The following MCFD2 variants were observed in gnomAD, a reference collection of about 807,000 sequenced individuals.
The protein encoded by MCFD2 is multiple coagulation factor deficiency 2, ER cargo receptor complex subunit.
Under a neutral mutation model 12.8 loss-of-function variants are expected in MCFD2, and 11 were observed. The observed-to-expected ratio is 0.86, with a 90% CI of 0.54 to 1.42. The LOEUF is 1.42. Ranked by LOEUF, MCFD2 falls within the 40% of genes most tolerant of loss-of-function variation. The probability of loss-of-function intolerance (pLI) is 0.00; values close to 1 mark genes in which losing one functional copy is unlikely to be tolerated. For missense variants in MCFD2, 191 were observed against 178.6 expected (o/e 1.07, Z -0.40); for synonymous variants, 70 against 68.1 (o/e 1.03, Z -0.14).
chr2:46,917,634 T>C (rs955738190), upstream of MCFD2, among the ~76,000 whole-genome samples: 1 of 152,246 alleles, frequency 6.6e-6, no homozygotes, highest in African/African-American at 2.4e-5. Flanking sequence ...TCCTGTGTTA[T>C]GTCTCTCTTG....
Position 46,908,043 on chromosome 2 carries a change from A to G in MCFD2, c.150-74T>C. The stretch of plus-strand genomic sequence containing the variant: ...TGCTGAAATCTTAAGGACTCTGAAA[A>G]GTTCAAGATCTTAAACTTCCTCCAG... On this transcript the variant is annotated intron_variant, in intron 2 of 3. Transcript: ENST00000319466. The surrounding 1 kb of genome is among the most constrained non-coding windows in gnomAD (Gnocchi z 4.5). 1.3e-6 allele frequency: 2 copies of G among 1,558,264 alleles called. No individual in the cohort carries two copies. Among genetic ancestry groups the G allele is most frequent in the East Asian group, 4.5e-5 (2 of 44,574 alleles).
At chr2:46,938,699 G>A (rs1416026097) in intron 1 of MCFD2, among the ~76,000 whole-genome samples, 1 of 152,164 alleles carries the variant, frequency 6.6e-6, no homozygotes, top group Non-Finnish European at 1.5e-5. Flanking sequence ...CTGTGTGGTG[G>A]GTGGTTCATA....
intron 1 of MCFD2, among the ~76,000 whole-genome samples, chr2:46,935,518 C>A (rs1380714901): frequency 6.6e-6 from 1 of 152,178 alleles, no homozygotes; most frequent in African/African-American, 2.4e-5. Context: ...AGTGTTCTCC[C>A]TTCCTGCCAT....
At position 46,905,489 on chromosome 2, in the gene MCFD2, C is replaced by T. The variant is rs148748272; in HGVS notation, c.415G>A (p.Ala139Thr). The T allele has an allele frequency of 2.4e-5, 39 of 1,612,764 alleles. No homozygotes were observed. Among genetic ancestry groups the T allele is most frequent in the Non-Finnish European group, 3.1e-5 (37 of 1,179,954 alleles). The change falls in exon 4 of 4, where the codon GCT becomes ACT. Residue 139 changes from alanine (A) to threonine (T), a missense_variant. Coordinates refer to ENST00000319466, the MANE Select transcript of MCFD2 (RefSeq NM_139279.6). ...DKNNDGYIDY[A>T]EFAKSLQ ...TACTGCAGTGATTTTGCAAATTCAGCATAGTCAATGTATCCATCATTGTTC... is the reference window on the plus strand; with the variant it reads ...TACTGCAGTGATTTTGCAAATTCAGTATAGTCAATGTATCCATCATTGTTC...
intron 1 of MCFD2, among the ~76,000 whole-genome samples, chr2:46,927,316 C>T (rs1469186077): frequency 1.3e-5 from 2 of 150,334 alleles, no homozygotes; most frequent in Non-Finnish European, 3.0e-5. Flanking sequence ...CTGTAGAAAA[C>T]CAAAGAAAAA....
In MCFD2 at chr2:46,903,348, A is replaced by G. The variant is rs540335710; in HGVS notation, c.*2115T>C. ...TTTATCAGCAGCGTGAAAACGGACT[A>G]ATACAGTAAATTGGTACCAGTAGAT... On this transcript the variant is annotated 3_prime_UTR_variant, in exon 4 of 4. Coordinates refer to ENST00000319466, the MANE Select transcript of MCFD2 (RefSeq NM_139279.6). The G allele has an allele frequency of 1.3e-5, 2 of 154,662 alleles. No homozygotes were observed. Among genetic ancestry groups the G allele is most frequent in the African/African-American group, 4.8e-5 (2 of 41,482 alleles). 9.6% of individuals were successfully genotyped at this position (154,662 alleles called of 1,614,324 possible).
Position 46,903,244 on chromosome 2 carries a change from C to T in MCFD2, c.*2219G>A, listed in dbSNP as rs1304606178. The T allele has an allele frequency of 6.4e-6, 1 of 156,136 alleles. No individual in the cohort carries two copies. Among genetic ancestry groups the T allele is most frequent in the Non-Finnish European group, 1.4e-5 (1 of 71,128 alleles). The allele number at this position is 156,136 out of a possible 1,614,324, so 9.7% of individuals were successfully genotyped here. ...GTAAGAAGTGTCTTTTGCCTCCCACCATGATTCTGAGGCCTCCCCAGCCAT... is the reference window on the plus strand; with the variant it reads ...GTAAGAAGTGTCTTTTGCCTCCCACTATGATTCTGAGGCCTCCCCAGCCAT... On this transcript the variant is annotated 3_prime_UTR_variant, in exon 4 of 4. Transcript: ENST00000319466.
chr2:46,935,769 G>A (rs372225221), intron 1 of MCFD2, among the ~76,000 whole-genome samples: 2 of 152,106 alleles, frequency 1.3e-5, no homozygotes, highest in Non-Finnish European at 1.5e-5. Context: ...TGCAAGTCTT[G>A]TATTGGACCC....
At chr2:46,914,078 C>T (rs1668593827) in intron 1 of MCFD2, 1 of 152,270 alleles carries the variant, frequency 6.6e-6, no homozygotes, top group Admixed American at 6.5e-5. Context: ...CCTTACTGAT[C>T]TCTGCTGAGC....
upstream of MCFD2, among the ~76,000 whole-genome samples, chr2:46,918,094 T>C (rs1311312933): frequency 6.6e-6 from 1 of 152,230 alleles, no homozygotes; most frequent in Non-Finnish European, 1.5e-5. Flanking sequence ...CTCCTGTAAA[T>C]AACTGCCTAC....
At chr2:46,913,330 T>C (rs1558465124) in intron 1 of MCFD2, among the ~76,000 whole-genome samples, 1 of 152,114 alleles carries the variant, frequency 6.6e-6, no homozygotes, top group African/African-American at 2.4e-5. Context: ...AGTGAATCAC[T>C]TGAGCCCAGG....
intron 1 of MCFD2, among the ~76,000 whole-genome samples, chr2:46,920,859 C>T (rs912723638): frequency 2.0e-5 from 3 of 151,006 alleles, no homozygotes; most frequent in African/African-American, 7.3e-5. Context: ...TGGCTGTCTA[C>T]AAAACTTCAG....
At chr2:46,912,713 A>G (rs1381147919) in intron 1 of MCFD2, 1 of 152,202 alleles carries the variant, frequency 6.6e-6, no homozygotes, top group Non-Finnish European at 1.5e-5. Flanking sequence ...TGAATTCTTG[A>G]AAAACTGCCT....
Position 46,903,678 on chromosome 2 carries a change from CTT to C in MCFD2, c.*1783_*1784del, listed in dbSNP as rs1483926407. ...GCCCCTTCCATAGGGATTTGTGGAA[CTT>C]TGAACTTGAGAGAGATGATTTAGGT... On this transcript the variant is annotated 3_prime_UTR_variant, in exon 4 of 4. Transcript: ENST00000319466. 6.6e-6 allele frequency: 1 copy of C among 152,150 alleles called. No homozygotes were observed. The highest frequency in any genetic ancestry group is 1.5e-5 in the Non-Finnish European group (1 of 68,062). The allele number at this position is 152,150 out of a possible 1,614,324, so 9.4% of individuals were successfully genotyped here.
intron 1 of MCFD2, among the ~76,000 whole-genome samples, chr2:46,925,840 C>G (rs1424568345): frequency 6.6e-6 from 1 of 152,200 alleles, no homozygotes; most frequent in Non-Finnish European, 1.5e-5. Context: ...ACCCATACTT[C>G]CTATGTGTTC....
chr2:46,915,814 C>A (rs1668736589), upstream of MCFD2: 5 of 9,292 alleles, frequency 5.4e-4, no homozygotes, highest in Non-Finnish European at 1.0e-3. Context: ...TCGCCCCGCC[C>A]CCCCCCCCCC....
rs1290490894 is a variant in MCFD2 at position 46,937,495 on chromosome 2, A to AT, written c.-8+4076dup. Among the ~76,000 whole-genome samples the AT allele has an allele frequency of 1.3e-5, 2 of 152,256 alleles. No homozygotes were observed. The highest frequency in any genetic ancestry group is 2.9e-5 in the Non-Finnish European group (2 of 68,048). ...TGGGACTTCGAATTGTTTTAGGAACATATCATCCAGAGCAGCCAGATTTAT... is the reference window on the plus strand; with the variant it reads ...TGGGACTTCGAATTGTTTTAGGAACATTATCATCCAGAGCAGCCAGATTTAT... On this transcript the variant is annotated intron_variant, in intron 1 of 2. Coordinates refer to the MCFD2 transcript ENST00000409147. This position sits in a 1 kb window ranked among gnomAD's most constrained non-coding sequence, Gnocchi z 4.0.
chr2:46,939,803 A>G (rs767054771), intron 1 of MCFD2, among the ~76,000 whole-genome samples: 5 of 152,192 alleles, frequency 3.3e-5, no homozygotes, highest in Non-Finnish European at 7.4e-5. Flanking sequence ...AGGCAGCCAA[A>G]GGGTAACAAA....
At chr2:46,906,079 G>C (rs1253421063) in intron 3 of MCFD2, 1 of 458,522 alleles carries the variant, frequency 2.2e-6, no homozygotes, top group Non-Finnish European at 4.5e-6. Flanking sequence ...TATGATCTTT[G>C]AGGAGAAAGT....
Sources: gnomAD v4.1 joint callset for allele counts (sites outside exome capture counted in the v4.1 genomes callset) on GRCh38, gnomAD v4.1.1 for gene constraint, Gnocchi (gnomAD v3.1) non-coding constraint, MANE v1.5 for transcripts, NCBI Gene and HGNC (gene_info 2026-07-23, HGNC 2026-07-21) for gene names.